ABTB3: variants seen among roughly 807,000 people sequenced by gnomAD.
ABTB3 encodes ankyrin repeat and BTB domain containing 3.
the ABTB3 span, among the ~76,000 whole-genome samples, chr12:107,417,722 C>CGCCCT: frequency 6.6e-6 from 1 of 152,340 alleles, no homozygotes; most frequent in South Asian, 2.1e-4. Flanking sequence ...ACTGAGTATC[C>CGCCCT]GCCCTGTGCT....
chr12:107,382,202 G>A, the ABTB3 span, among the ~76,000 whole-genome samples: 11 of 152,324 alleles, frequency 7.2e-5, 1 homozygote, highest in South Asian at 1.5e-3. Context: ...CCTGGAGGAG[G>A]TGACTTACTA....
the ABTB3 span, among the ~76,000 whole-genome samples, chr12:107,599,215 C>T: frequency 2.0e-5 from 3 of 152,156 alleles, no homozygotes; most frequent in African/African-American, 4.8e-5. Context: ...TTACACATCC[C>T]GCTTTTCTCA....
the ABTB3 span, among the ~76,000 whole-genome samples, chr12:107,655,518 G>C: frequency 6.6e-6 from 1 of 152,206 alleles, no homozygotes; most frequent in Non-Finnish European, 1.5e-5. Flanking sequence ...GGCAGATTGT[G>C]CTGCAAATAG....
chr12:107,482,988 CCT>C, the ABTB3 span, among the ~76,000 whole-genome samples: 1 of 11,148 alleles, frequency 9.0e-5, no homozygotes, highest in Admixed American at 1.1e-3. Flanking sequence ...TTCTTTCTTT[CCT>C]TCCTTCCTTC....
the ABTB3 span, chr12:107,620,157 C>T: frequency 1.7e-5 from 28 of 1,613,832 alleles, no homozygotes; most frequent in South Asian, 5.5e-5. Flanking sequence ...ATCCTGAAAG[C>T]GAGCAAGGTA....
chr12:107,626,256 G>A, the ABTB3 span, among the ~76,000 whole-genome samples: 1 of 151,922 alleles, frequency 6.6e-6, no homozygotes, highest in Non-Finnish European at 1.5e-5. Flanking sequence ...AAAGGGTTAG[G>A]GAAAAGTATG....
chr12:107,332,345 A>AG, the ABTB3 span, among the ~76,000 whole-genome samples: 1 of 152,214 alleles, frequency 6.6e-6, no homozygotes, highest in African/African-American at 2.4e-5. Context: ...CACTCCTGGC[A>AG]CCATTTTAGG....
the ABTB3 span, among the ~76,000 whole-genome samples, chr12:107,428,252 A>T: frequency 6.6e-6 from 1 of 152,166 alleles, no homozygotes; most frequent in African/African-American, 2.4e-5. Flanking sequence ...GGGCTCCTAG[A>T]TTTGTACATG....
the ABTB3 span, among the ~76,000 whole-genome samples, chr12:107,396,802 T>C: frequency 6.6e-6 from 1 of 152,196 alleles, no homozygotes; most frequent in Non-Finnish European, 1.5e-5. Context: ...TGGACCTTCC[T>C]CCTTCCCTCC....
chr12:107,380,480 G>A, the ABTB3 span, among the ~76,000 whole-genome samples: 2 of 152,196 alleles, frequency 1.3e-5, no homozygotes, highest in African/African-American at 4.8e-5. Context: ...GAGTGAACCT[G>A]AACCTAGGTT....
At chr12:107,548,404 T>A in the ABTB3 span, among the ~76,000 whole-genome samples, 1 of 152,252 alleles carries the variant, frequency 6.6e-6, no homozygotes, top group African/African-American at 2.4e-5. Context: ...CCTCAAACCA[T>A]CCTTTCTTGT....
the ABTB3 span, chr12:107,318,626 A>G: frequency 3.8e-6 from 1 of 265,362 alleles, no homozygotes; most frequent in Non-Finnish European, 7.1e-6. Context: ...CTCAGGGAAG[A>G]GCGGTCTAGA....
chr12:107,556,371 C>T, the ABTB3 span, among the ~76,000 whole-genome samples: 1 of 152,144 alleles, frequency 6.6e-6, no homozygotes, highest in African/African-American at 2.4e-5. Context: ...GCTGGGATTA[C>T]AGGCATGAGC....
the ABTB3 span, among the ~76,000 whole-genome samples, chr12:107,473,256 G>A: frequency 1.3e-5 from 2 of 152,140 alleles, no homozygotes; most frequent in Admixed American, 6.5e-5. Context: ...CCAGGCCTCG[G>A]ATTAAGAATT....
At chr12:107,477,939 T>C in the ABTB3 span, among the ~76,000 whole-genome samples, 1 of 152,126 alleles carries the variant, frequency 6.6e-6, no homozygotes, top group Non-Finnish European at 1.5e-5. Context: ...AACCTATTGA[T>C]CAGGACAAGC....
At chr12:107,524,856 A>G in the ABTB3 span, among the ~76,000 whole-genome samples, 1 of 152,182 alleles carries the variant, frequency 6.6e-6, no homozygotes, top group Non-Finnish European at 1.5e-5. Flanking sequence ...ATTCCCTGCA[A>G]ATTGCTCTGA....
chr12:107,600,757 TG>T, the ABTB3 span, among the ~76,000 whole-genome samples: 1 of 152,226 alleles, frequency 6.6e-6, no homozygotes, highest in Non-Finnish European at 1.5e-5. Context: ...GCCAACCTGC[TG>T]GTGAGACCCA....
chr12:107,327,513 C>T, the ABTB3 span, among the ~76,000 whole-genome samples: 1 of 152,308 alleles, frequency 6.6e-6, no homozygotes, highest in Admixed American at 6.5e-5. Context: ...TTCCCTAGTA[C>T]CTTACTTAAC....
the ABTB3 span, among the ~76,000 whole-genome samples, chr12:107,395,726 C>T: frequency 3.3e-5 from 5 of 152,218 alleles, no homozygotes; most frequent in Non-Finnish European, 5.9e-5. Flanking sequence ...GGGGCCAGCT[C>T]TGGTCACTTA....
Sources: allele counts gnomAD v4.1 joint callset (sites outside exome capture counted in the v4.1 genomes callset), GRCh38; gene constraint gnomAD v4.1.1; transcripts MANE v1.5; gene names NCBI Gene and HGNC (gene_info 2026-07-23, HGNC 2026-07-21).